The following SH3BP4 variants were observed in gnomAD, a reference collection of about 807,000 sequenced individuals.
The protein encoded by SH3BP4 is SH3 domain binding protein 4, also known as SH3 domain-binding protein 4.
A neutral mutation model predicts 65.5 loss-of-function variants in SH3BP4; 33 were observed. The observed-to-expected ratio is 0.50, with a 90% confidence interval of 0.38 to 0.67. The LOEUF (loss-of-function observed/expected upper bound fraction) is 0.67. Ranked by LOEUF, SH3BP4 falls within the 30% of genes least tolerant of loss-of-function variation. The pLI, the probability that SH3BP4 is intolerant of heterozygous loss-of-function variation, is 0.00. For synonymous variants in SH3BP4, 552 were observed against 545.5 expected (o/e 1.01, Z -0.17); for missense variants, 1,134 against 1,261.4 (o/e 0.90, Z 1.53).
At chr2:235,010,781 C>T (rs28537272) in intron 2 of SH3BP4, among the ~76,000 whole-genome samples, 41,570 of 103,044 alleles carry the variant, frequency 0.4, 11,460 homozygotes, top group African/African-American at 0.75. Context: ...AGAACCCTTC[C>T]TCCCTCTCCT....
At chr2:234,983,522 C>T (rs1484145662) in intron 1 of SH3BP4, among the ~76,000 whole-genome samples, 3 of 152,232 alleles carry the variant, frequency 2.0e-5, no homozygotes, top group African/African-American at 7.2e-5. Flanking sequence ...ACGGTGTGGT[C>T]GGCTGAGTAA....
At position 234,997,549 on chromosome 2, in the gene SH3BP4, C is replaced by T. The variant is rs180686017; in HGVS notation, c.-133+2173C>T. On this transcript the variant is annotated intron_variant, in intron 2 of 5. Coordinates refer to ENST00000392011, the MANE Select transcript of SH3BP4 (RefSeq NM_014521.3). The surrounding 1 kb of genome is among the most constrained non-coding windows in gnomAD (Gnocchi z 4.2). ...AATGACTGAGGAAACAGGAGGCCTG[C>T]AGCAGAGCACGGCCGATTGCTCCTC... Among the ~76,000 whole-genome samples the T allele has an allele frequency of 6.6e-6, 1 of 152,326 alleles. No homozygotes were observed. The highest frequency in any genetic ancestry group is 1.9e-4 in the East Asian group (1 of 5,168).
chr2:235,044,805 G>A (rs758646757), intron 4 of SH3BP4, among the ~76,000 whole-genome samples: 1 of 152,266 alleles, frequency 6.6e-6, no homozygotes, highest in Non-Finnish European at 1.5e-5. Flanking sequence ...AGCCCGGCAG[G>A]AGTGGGGCAG....
At chr2:234,985,181 A>G (rs1056675929) in intron 1 of SH3BP4, among the ~76,000 whole-genome samples, 1 of 152,144 alleles carries the variant, frequency 6.6e-6, no homozygotes, top group African/African-American at 2.4e-5. Context: ...CAGAGTAGTG[A>G]GTGTACAAAG....
intron 1 of SH3BP4, among the ~76,000 whole-genome samples, chr2:234,986,350 G>A (rs1260862879): frequency 6.6e-6 from 1 of 152,188 alleles, no homozygotes; most frequent in Non-Finnish European, 1.5e-5. Context: ...GATATTTTCA[G>A]CCTCCTAAAG....
intron 4 of SH3BP4, among the ~76,000 whole-genome samples, chr2:235,050,154 C>G (rs1696002123): frequency 6.6e-6 from 1 of 151,936 alleles, no homozygotes; most frequent in Non-Finnish European, 1.5e-5. Flanking sequence ...CTCGCTCTGT[C>G]CCCTAGGCTG....
chr2:235,035,997 G>C lies in SH3BP4; in HGVS notation c.118+877G>C, dbSNP rs1695365750. On this transcript the variant is annotated intron_variant, in intron 3 of 5. Coordinates refer to ENST00000392011, the MANE Select transcript of SH3BP4 (RefSeq NM_014521.3). This position sits in a 1 kb window ranked among gnomAD's most constrained non-coding sequence, Gnocchi z 5.0. ...AGCTGAAAAGTAGGAACTTGACTTT[G>C]ACCATTTGTATCCTCGGCCCCAGCC... is the stretch of plus-strand genomic sequence containing the variant. Among the ~76,000 whole-genome samples, 1 of 152,200 alleles carries C rather than the reference G, an allele frequency of 6.6e-6. No individual in the cohort carries two copies. The highest frequency in any genetic ancestry group is 2.1e-4 in the South Asian group (1 of 4,830).
chr2:234,963,612 A>G (rs1245646167), intron 1 of SH3BP4, among the ~76,000 whole-genome samples: 1 of 152,240 alleles, frequency 6.6e-6, no homozygotes, highest in East Asian at 1.9e-4. Context: ...CATACATGCC[A>G]GCTTCAGAAG....
rs138671338 is a variant in SH3BP4 at position 234,964,142 on chromosome 2, A to C, written c.-207+11972A>C. On this transcript the variant is annotated intron_variant, in intron 1 of 5. Coordinates refer to ENST00000392011, the MANE Select transcript of SH3BP4 (RefSeq NM_014521.3). ...TGAGGCAGCACTTTGGGGCTTCGTG[A>C]AACCCCAGCTATGGGGATAAGGGAC... Among the ~76,000 whole-genome samples the C allele has an allele frequency of 2.1e-4, 32 of 152,308 alleles. No individual in the cohort carries two copies. The East Asian group carries it at 6.0e-3, about 29-fold the overall frequency.
chr2:235,011,135 GGAGAACCCTTCCTCCCTCTCCTA>G (rs1694486997), intron 2 of SH3BP4, among the ~76,000 whole-genome samples: 10 of 108,532 alleles, frequency 9.2e-5, no homozygotes, highest in African/African-American at 6.0e-4. Flanking sequence ...CCCTCTCCTA[GGAGAACCCTTCCTCCCTCTCCTA>G]GGAGAACCCT....
intron 1 of SH3BP4, among the ~76,000 whole-genome samples, chr2:234,994,266 ATTCT>A (rs1559236085): frequency 2.0e-5 from 3 of 152,104 alleles, no homozygotes; most frequent in Non-Finnish European, 4.4e-5. Context: ...ACAGGGAATG[ATTCT>A]TTCCTTCTTG....
chr2:234,994,360 A>G (rs2276601), intron 1 of SH3BP4, among the ~76,000 whole-genome samples: 61,082 of 151,988 alleles, frequency 0.4, 13,118 homozygotes, highest in East Asian at 0.74. Flanking sequence ...TGGTTCCTGC[A>G]GAGGATGAGT....
At chr2:235,010,651 A>G (rs537308512) in intron 2 of SH3BP4, among the ~76,000 whole-genome samples, 2 of 152,306 alleles carry the variant, frequency 1.3e-5, no homozygotes, top group South Asian at 4.1e-4. Context: ...GCAGAAACAC[A>G]TTCTCACAGT....
intron 4 of SH3BP4, among the ~76,000 whole-genome samples, chr2:235,044,148 A>T (rs563918878): frequency 1.6e-4 from 24 of 152,260 alleles, no homozygotes; most frequent in African/African-American, 5.8e-4. Context: ...TGCTTCCTTG[A>T]AGCTTCTAAC....
intron 2 of SH3BP4, among the ~76,000 whole-genome samples, chr2:235,000,501 C>T (rs527776538): frequency 2.0e-5 from 3 of 152,286 alleles, no homozygotes; most frequent in African/African-American, 4.8e-5. Flanking sequence ...GTCAATAACA[C>T]GGGGCCCCTC....
At chr2:235,049,437 C>A (rs949334533) in intron 4 of SH3BP4, among the ~76,000 whole-genome samples, 1 of 152,146 alleles carries the variant, frequency 6.6e-6, no homozygotes, top group East Asian at 1.9e-4. Flanking sequence ...TGAGTAGCCA[C>A]GAAAGAGCTG....
rs879892738 is a variant in SH3BP4, at chr2:235,033,575, G to A, written c.-132-1296G>A. 1.4e-4 allele frequency among the ~76,000 whole-genome samples: 21 copies of A among 152,242 alleles called. No homozygotes were observed. The highest frequency in any genetic ancestry group is 7.2e-5 in the African/African-American group (3 of 41,466). Reference sequence around the variant, plus strand: ...GGACGCCTCCCTTGAGCCACTATCCGCCGGTCACTGGGAGCTGGGATTGCA... The same window carrying A: ...GGACGCCTCCCTTGAGCCACTATCCACCGGTCACTGGGAGCTGGGATTGCA... On this transcript the variant is annotated intron_variant, in intron 2 of 5. Transcript: ENST00000392011. This position sits in a 1 kb window ranked among gnomAD's most constrained non-coding sequence, Gnocchi z 5.7.
intron 4 of SH3BP4, among the ~76,000 whole-genome samples, chr2:235,050,718 AAAC>A (rs1280139009): frequency 6.6e-6 from 1 of 152,110 alleles, no homozygotes. Context: ...GCTCAGTCTA[AAAC>A]AGCTGGGCTC....
At chr2:235,017,040 CCTTT>C (rs1374563867) in intron 2 of SH3BP4, among the ~76,000 whole-genome samples, 3 of 142,978 alleles carry the variant, frequency 2.1e-5, no homozygotes, top group South Asian at 4.4e-4. Context: ...TTTCTGTTTG[CCTTT>C]CTTTTTTTTT....
Sources: allele counts gnomAD v4.1 joint callset (sites outside exome capture counted in the v4.1 genomes callset), GRCh38; gene constraint gnomAD v4.1.1; non-coding constraint Gnocchi (gnomAD v3.1); transcripts MANE v1.5; gene names NCBI Gene and HGNC (gene_info 2026-07-23, HGNC 2026-07-21).